KANSL1L: variants seen among roughly 807,000 people sequenced by gnomAD.
KANSL1L encodes the protein KAT8 regulatory NSL complex subunit 1-like protein.
In KANSL1L, 25 loss-of-function variants were observed where a neutral mutation model predicts 108.6. The ratio of observed to expected loss-of-function variants is 0.23; its 90% CI spans 0.17 to 0.32. KANSL1L has a LOEUF of 0.32. KANSL1L is among the 10% of genes least tolerant of loss of function. The pLI, the probability that KANSL1L is intolerant of heterozygous loss-of-function variation, is 1.00. For missense variants in KANSL1L, 1,137 were observed against 1,125.7 expected (o/e 1.01, Z -0.14); for synonymous variants, 405 against 395.1 (o/e 1.03, Z -0.30).
In KANSL1L at chr2:210,021,620, A is replaced by G. The variant is rs553859647; in HGVS notation, c.*1329T>C. The G allele has an allele frequency of 4.6e-5, 7 of 152,676 alleles. No homozygotes were observed. In the East Asian group the frequency reaches 9.6e-4, roughly 21 times the overall value. The allele number at this position is 152,676 out of a possible 1,614,324, so 9.5% of individuals were successfully genotyped here. On this transcript the variant is annotated 3_prime_UTR_variant, in exon 15 of 15. Transcript: ENST00000281772. ...GAATTTTTTACCCCTTAAAAGGACT[A>G]GTATAATTTCCAATCTCTAACAAAA...
intron 8 of KANSL1L, among the ~76,000 whole-genome samples, chr2:210,036,105 C>G (rs2094099639): frequency 6.6e-6 from 1 of 152,172 alleles, no homozygotes; most frequent in African/African-American, 2.4e-5. Context: ...GAGTTCCTCT[C>G]CTTGCCCATT....
Position 210,051,304 on chromosome 2 carries a change from C to G in KANSL1L, c.1756-7200G>C, listed in dbSNP as rs544758915. On this transcript the variant is annotated intron_variant, in intron 6 of 14. Coordinates refer to ENST00000281772, the MANE Select transcript of KANSL1L (RefSeq NM_152519.4). Reference sequence around the variant, plus strand: ...AATGTTAAGTTTCCAAAATAGACAGCTGGTATTTTGACTAAGATTACCTTA... The same window carrying G: ...AATGTTAAGTTTCCAAAATAGACAGGTGGTATTTTGACTAAGATTACCTTA... 3.9e-5 allele frequency among the ~76,000 whole-genome samples: 6 copies of G among 152,174 alleles called. No individual in the cohort carries two copies. The East Asian group carries it at 1.2e-3, about 29-fold the overall frequency.
rs1314624282 is a variant in KANSL1L, at chr2:210,025,196, T to C, written c.2472A>G (p.Glu824=). ...GKEEIEDLSD[E]VFSLRHKKYE... Reference sequence around the variant, plus strand: ...ATTTTTTGTGCCTTAGGGAGAAGACTTCATCAGAAAGATCTTCTATCTGGA... The same window carrying C: ...ATTTTTTGTGCCTTAGGGAGAAGACCTCATCAGAAAGATCTTCTATCTGGA... Residue 824 remains glutamate (E), a synonymous_variant, in exon 13 of 15, where the codon GAA becomes GAG. Coordinates refer to ENST00000281772, the MANE Select transcript of KANSL1L (RefSeq NM_152519.4). The C allele has an allele frequency of 1.3e-6, 2 of 1,593,740 alleles. No homozygotes were observed. Among genetic ancestry groups the C allele is most frequent in the Non-Finnish European group, 8.6e-7 (1 of 1,161,430 alleles).
rs528396597 is a variant in KANSL1L, at chr2:210,078,688, C to T, written c.1551-2932G>A. On this transcript the variant is annotated intron_variant, in intron 5 of 14. Coordinates refer to ENST00000281772, the MANE Select transcript of KANSL1L (RefSeq NM_152519.4). Reference sequence around the variant, plus strand: ...ATTTCACACATTAACAATAATGAGACGGCCCAATCAATTAACCTCATTGAA... The same window carrying T: ...ATTTCACACATTAACAATAATGAGATGGCCCAATCAATTAACCTCATTGAA... 6.6e-5 allele frequency among the ~76,000 whole-genome samples: 10 copies of T among 152,184 alleles called. No homozygotes were observed. The South Asian group carries it at 1.0e-3, about 16-fold the overall frequency.
At chr2:210,138,338 A>C (rs913060533) in intron 2 of KANSL1L, among the ~76,000 whole-genome samples, 3 of 152,060 alleles carry the variant, frequency 2.0e-5, no homozygotes, top group Non-Finnish European at 4.4e-5. Flanking sequence ...GGGGGTGGGT[A>C]AGGGTTGAAA....
chr2:210,107,451 T>C (rs948929384), intron 3 of KANSL1L, among the ~76,000 whole-genome samples: 1 of 151,170 alleles, frequency 6.6e-6, no homozygotes, highest in Non-Finnish European at 1.5e-5. Flanking sequence ...CTGTAATATG[T>C]TGACAAAGCT....
intron 8 of KANSL1L, chr2:210,032,413 A>G (rs2094031117): frequency 6.6e-6 from 1 of 152,266 alleles, no homozygotes; most frequent in Non-Finnish European, 1.5e-5. Flanking sequence ...AAAGACTAAT[A>G]CTATATGGAA....
chr2:210,029,066 C>T, intron 10 of KANSL1L, 97 bp from the exon 11 acceptor site: 6 of 1,048,510 alleles, frequency 5.7e-6, no homozygotes, highest in Non-Finnish European at 6.9e-6. Flanking sequence ...GTACACGTTA[C>T]ATAATTTTTG....
chr2:210,039,861 A>G (rs969234377), intron 8 of KANSL1L, among the ~76,000 whole-genome samples: 3 of 151,832 alleles, frequency 2.0e-5, no homozygotes, highest in Non-Finnish European at 3.0e-5. Context: ...CTAATATACA[A>G]TTCTTCCCTG....
At chr2:210,158,992 G>C (rs1044638854) in intron 1 of KANSL1L, among the ~76,000 whole-genome samples, 13 of 152,124 alleles carry the variant, frequency 8.5e-5, no homozygotes, top group African/African-American at 3.1e-4. Context: ...TAAAGGCTTG[G>C]ATTTTTGAAC....
intron 5 of KANSL1L, among the ~76,000 whole-genome samples, chr2:210,093,398 G>C (rs1489163217): frequency 6.6e-6 from 1 of 152,028 alleles, no homozygotes. Context: ...TGCCCATCTC[G>C]GCCTCCCAAA....
intron 2 of KANSL1L, among the ~76,000 whole-genome samples, chr2:210,141,538 G>C (rs77401416): frequency 0.011 from 1,631 of 152,214 alleles, 24 homozygotes; most frequent in African/African-American, 0.035. Flanking sequence ...ACCTAACACT[G>C]AATCCGCTGA....
intron 3 of KANSL1L, among the ~76,000 whole-genome samples, chr2:210,120,887 T>C (rs567675834): frequency 6.6e-6 from 1 of 152,084 alleles, no homozygotes; most frequent in South Asian, 2.1e-4. Context: ...CCAAAAATCA[T>C]ATGAAAAAAA....
At position 210,025,169 on chromosome 2, in the gene KANSL1L, A is replaced by G. The variant is rs772970759; in HGVS notation, c.2499T>C (p.Tyr833=). 2.2e-5 allele frequency: 36 copies of G among 1,612,958 alleles called. No homozygotes were observed. Among genetic ancestry groups the G allele is most frequent in the Non-Finnish European group, 2.7e-5 (32 of 1,179,022 alleles). Residue 833 remains tyrosine, a synonymous_variant, in exon 13 of 15, where the codon TAT becomes TAC. Coordinates refer to ENST00000281772, the MANE Select transcript of KANSL1L (RefSeq NM_152519.4). ...DEVFSLRHKK[Y]EEREQARWSL... is the part of the protein sequence containing the mutation. ...ACCACCTGGCTTGCTCTCTCTCTTC[A>G]TATTTTTTGTGCCTTAGGGAGAAGA...
Position 210,098,329 on chromosome 2 carries a change from TTTTA to T in KANSL1L, c.1429-126_1429-123del, listed in dbSNP as rs2094759055. 3.4e-6 allele frequency: 3 copies of T among 883,086 alleles called. No individual in the cohort carries two copies. The South Asian group carries it at 5.3e-5, about 15-fold the overall frequency. The allele number at this position is 883,086 out of a possible 1,614,324, so 54.7% of individuals were successfully genotyped here. On this transcript the variant is annotated intron_variant, in intron 4 of 14. Transcript: ENST00000281772. ...ACACATGTTTTTATTTTAGTAAATGTTTTATTTGACAAAGACAATTTATACAACT... is the reference window on the plus strand; with the variant it reads ...ACACATGTTTTTATTTTAGTAAATGTTTTGACAAAGACAATTTATACAACT...
intron 1 of KANSL1L, among the ~76,000 whole-genome samples, chr2:210,162,399 C>CAG (rs1310013211): frequency 6.6e-6 from 1 of 151,572 alleles, no homozygotes; most frequent in Non-Finnish European, 1.5e-5. Context: ...GTGCTATTTT[C>CAG]TGACCTAAGG....
At chr2:210,168,844 T>C (rs1033718882) in intron 1 of KANSL1L, among the ~76,000 whole-genome samples, 1 of 152,110 alleles carries the variant, frequency 6.6e-6, no homozygotes, top group African/African-American at 2.4e-5. Context: ...TGATCTTCCA[T>C]AGATAAAAAA....
intron 2 of KANSL1L, among the ~76,000 whole-genome samples, chr2:210,144,823 T>C (rs1372206624): frequency 6.6e-6 from 1 of 152,216 alleles, no homozygotes; most frequent in Non-Finnish European, 1.5e-5. Context: ...CTTCTATTTC[T>C]TTAGGATTAG....
At chr2:210,134,528 T>A (rs2095156475) in intron 2 of KANSL1L, among the ~76,000 whole-genome samples, 1 of 152,124 alleles carries the variant, frequency 6.6e-6, no homozygotes, top group Non-Finnish European at 1.5e-5. Flanking sequence ...TAAAGAGTGA[T>A]GAATTCTGTT....
Sources: gnomAD v4.1 joint callset for allele counts (sites outside exome capture counted in the v4.1 genomes callset) on GRCh38, gnomAD v4.1.1 for gene constraint, MANE v1.5 for transcripts, NCBI Gene and HGNC (gene_info 2026-07-23, HGNC 2026-07-21) for gene names.